PTPRN2: variants seen among roughly 807,000 people sequenced by gnomAD.
PTPRN2 encodes receptor-type tyrosine-protein phosphatase N2.
A neutral mutation model predicts 118.8 loss-of-function variants in PTPRN2; 74 were observed. The observed-to-expected ratio is 0.62, with a 90% confidence interval of 0.52 to 0.76. The LOEUF is 0.76. PTPRN2 is among the 30% of genes least tolerant of loss of function. PTPRN2 has a pLI of 0.00. For missense variants in PTPRN2, 1,481 were observed against 1,394.4 expected (o/e 1.06, Z -0.99); for synonymous variants, 641 against 608.0 (o/e 1.05, Z -0.80).
At chr7:157,966,465 T>C (rs1585102941) in intron 11 of PTPRN2, among the ~76,000 whole-genome samples, 2 of 131,712 alleles carry the variant, frequency 1.5e-5, no homozygotes, top group African/African-American at 5.2e-5. Flanking sequence ...TTCATCACCA[T>C]CATCATCTTT....
At chr7:158,188,089 T>A (rs555912520) in intron 5 of PTPRN2, among the ~76,000 whole-genome samples, 5 of 151,492 alleles carry the variant, frequency 3.3e-5, no homozygotes, top group Admixed American at 3.3e-4. Flanking sequence ...GAACCCCCAG[T>A]GGCCCCGTCA....
intron 5 of PTPRN2, among the ~76,000 whole-genome samples, chr7:158,176,742 G>C (rs1824244205): frequency 6.6e-6 from 1 of 152,218 alleles, no homozygotes; most frequent in Admixed American, 6.5e-5. Flanking sequence ...ATGCCCTGGG[G>C]CCAATTTTCC....
intron 2 of PTPRN2, among the ~76,000 whole-genome samples, chr7:158,410,777 C>T (rs2151432046): frequency 6.6e-6 from 1 of 152,138 alleles, no homozygotes; most frequent in African/African-American, 2.4e-5. Context: ...GATTGACGTC[C>T]CTGTAGGGAG....
chr7:158,076,639 C>T (rs1366926006), intron 11 of PTPRN2, among the ~76,000 whole-genome samples: 1 of 152,212 alleles, frequency 6.6e-6, no homozygotes. Flanking sequence ...CTGGCATGTC[C>T]TTGGCACACT....
intron 2 of PTPRN2, among the ~76,000 whole-genome samples, chr7:158,318,893 G>A (rs1014032852): frequency 2.0e-5 from 3 of 152,244 alleles, no homozygotes; most frequent in Admixed American, 6.5e-5. Flanking sequence ...AGTAGCCAAC[G>A]CTTCGCAACA....
intron 2 of PTPRN2, among the ~76,000 whole-genome samples, chr7:158,369,448 C>T (rs900544186): frequency 5.9e-5 from 9 of 152,204 alleles, no homozygotes; most frequent in African/African-American, 1.9e-4. Flanking sequence ...CAGGACCCCC[C>T]CAACCTGGGG....
chr7:157,656,884 CCACACACACCACACACA>C (rs1563311480), intron 13 of PTPRN2, among the ~76,000 whole-genome samples: 20 of 141,336 alleles, frequency 1.4e-4, no homozygotes, highest in South Asian at 2.3e-4. Context: ...CACACATACA[CCACACACACCACACACA>C]TCACACATAT....
At chr7:158,262,760 GCACA>G (rs201749226) in intron 3 of PTPRN2, among the ~76,000 whole-genome samples, 5 of 133,580 alleles carry the variant, frequency 3.7e-5, no homozygotes, top group Admixed American at 1.5e-4. Context: ...TACACACACT[GCACA>G]CACACATTCA....
At chr7:158,492,173 C>A (rs528755430) in intron 1 of PTPRN2, among the ~76,000 whole-genome samples, 90 of 152,320 alleles carry the variant, frequency 5.9e-4, no homozygotes, top group Admixed American at 1.1e-3. Flanking sequence ...TGTGACCACA[C>A]CGGAGATGTG....
chr7:157,783,633 G>A (rs1439950986), intron 12 of PTPRN2, among the ~76,000 whole-genome samples: 1 of 151,524 alleles, frequency 6.6e-6, no homozygotes, highest in Non-Finnish European at 1.5e-5. Flanking sequence ...GAAAAGTATG[G>A]CAGTAAACAA....
At chr7:158,174,445 C>T (rs185671433) in intron 5 of PTPRN2, among the ~76,000 whole-genome samples, 216 of 151,770 alleles carry the variant, frequency 1.4e-3, no homozygotes, top group African/African-American at 5.0e-3. Flanking sequence ...CAACATGATC[C>T]CTGCCATCAT....
chr7:157,814,727 GC>G (rs911213091), intron 12 of PTPRN2, among the ~76,000 whole-genome samples: 1 of 152,196 alleles, frequency 6.6e-6, no homozygotes, highest in Admixed American at 6.5e-5. Context: ...GAGTGATGGG[GC>G]CCCAGCACCC....
Position 157,579,924 on chromosome 7 carries a change from G to A in PTPRN2, c.2497-1784C>T, listed in dbSNP as rs541884856. The stretch of plus-strand genomic sequence containing the variant: ...TGAATCGGTACAAAGCAACTCAATC[G>A]AGGAGGAAAACTATGGCATTTCTCC... On this transcript the variant is annotated intron_variant, in intron 17 of 22. Coordinates refer to ENST00000389418, the MANE Select transcript of PTPRN2 (RefSeq NM_002847.5). Among the ~76,000 whole-genome samples the A allele has an allele frequency of 1.7e-4, 26 of 152,292 alleles. No homozygotes were observed. In the East Asian group the frequency reaches 4.8e-3, roughly 28 times the overall value.
intron 9 of PTPRN2, among the ~76,000 whole-genome samples, chr7:158,122,764 C>T (rs770924006): frequency 6.6e-5 from 10 of 152,228 alleles, no homozygotes; most frequent in Non-Finnish European, 1.3e-4. Flanking sequence ...AAAGCTCAAA[C>T]GGAACACTTT....
In PTPRN2 at chr7:157,592,582, G is replaced by C. The variant is rs1801046017; in HGVS notation, c.2496+2656C>G. 1.3e-5 allele frequency among the ~76,000 whole-genome samples: 2 copies of C among 150,696 alleles called. 1 individual carries two copies. The highest frequency in any genetic ancestry group is 4.2e-4 in the South Asian group (2 of 4,774). ...ACGGAGGGTGGATGTGGCACCTGCT[G>C]AACCAAGGGTGGATGTGGGCATCAT... is the stretch of plus-strand genomic sequence containing the variant. On this transcript the variant is annotated intron_variant, in intron 17 of 22. Coordinates refer to ENST00000389418, the MANE Select transcript of PTPRN2 (RefSeq NM_002847.5).
Position 158,392,135 on chromosome 7 carries a change from C to T in PTPRN2, c.164-75203G>A, listed in dbSNP as rs529768443. ...GGGACAATGGCCAGGCTGGGGCTTC[C>T]GTGGGGAGGGAATGAGGGTGGACCT... is the stretch of plus-strand genomic sequence containing the variant. On this transcript the variant is annotated intron_variant, in intron 2 of 22. Transcript: ENST00000389418. 7.2e-5 allele frequency among the ~76,000 whole-genome samples: 11 copies of T among 152,222 alleles called. No individual in the cohort carries two copies. The South Asian group carries it at 1.0e-3, about 14-fold the overall frequency.
chr7:158,386,900 A>G (rs1338030660), intron 2 of PTPRN2, among the ~76,000 whole-genome samples: 1 of 151,848 alleles, frequency 6.6e-6, no homozygotes, highest in African/African-American at 2.4e-5. Flanking sequence ...TGGGAGATGA[A>G]TGGGAAGGTG....
chr7:158,355,150 C>T (rs1808290579), intron 2 of PTPRN2, among the ~76,000 whole-genome samples: 1 of 152,156 alleles, frequency 6.6e-6, no homozygotes, highest in Non-Finnish European at 1.5e-5. Context: ...CCACCAAACC[C>T]ACCTTACAAT....
At chr7:158,155,535 C>CCA (rs1821657947) in intron 6 of PTPRN2, among the ~76,000 whole-genome samples, 5 of 25,820 alleles carry the variant, frequency 1.9e-4, no homozygotes, top group East Asian at 2.3e-3. Context: ...ACCATCAGCA[C>CCA]TATCATCACC....
Sources: allele counts gnomAD v4.1 joint callset (sites outside exome capture counted in the v4.1 genomes callset), GRCh38; gene constraint gnomAD v4.1.1; transcripts MANE v1.5; gene names NCBI Gene and HGNC (gene_info 2026-07-23, HGNC 2026-07-21).